PLAAT1: variants seen among roughly 807,000 people sequenced by gnomAD.
PLAAT1 encodes H-REV107 protein-related protein.
PLAAT1 carries 13 observed loss-of-function variants against 16.4 expected under a neutral mutation model. The observed-to-expected ratio is 0.79, with a 90% CI of 0.52 to 1.26. PLAAT1 has a LOEUF of 1.26. PLAAT1 is among the 50% of genes most tolerant of loss of function. PLAAT1 has a pLI of 0.00. For missense variants in PLAAT1, 218 were observed against 207.8 expected, an observed-to-expected ratio of 1.05 and a Z score of -0.30; for synonymous variants, 73 against 78.4, an observed-to-expected ratio of 0.93 and a Z score of 0.36.
chr3:193,258,033 T>A (rs1716441671), intron 2 of PLAAT1, among the ~76,000 whole-genome samples: 1 of 152,198 alleles, frequency 6.6e-6, no homozygotes, highest in African/African-American at 2.4e-5. Context: ...GCTTCCTTGC[T>A]GCTCCACTTG....
intron 3 of PLAAT1, among the ~76,000 whole-genome samples, chr3:193,264,688 A>G (rs901817328): frequency 1.9e-4 from 29 of 152,058 alleles, no homozygotes; most frequent in Admixed American, 6.6e-5. Context: ...TATTTTTAGT[A>G]GAGACTATGT....
At chr3:193,257,412 G>A (rs938317160) in intron 2 of PLAAT1, among the ~76,000 whole-genome samples, 1 of 152,154 alleles carries the variant, frequency 6.6e-6, no homozygotes, top group African/African-American at 2.4e-5. Context: ...TTGCAGGGAA[G>A]ATGGTCTTAA....
intron 2 of PLAAT1, among the ~76,000 whole-genome samples, chr3:193,256,784 T>G (rs1267629133): frequency 1.3e-5 from 2 of 152,220 alleles, no homozygotes; most frequent in Non-Finnish European, 2.9e-5. Flanking sequence ...TATTTAGAGA[T>G]GTAGACAAGC....
intron 2 of PLAAT1, among the ~76,000 whole-genome samples, chr3:193,276,109 C>G (rs1717188165): frequency 6.6e-6 from 1 of 152,040 alleles, no homozygotes; most frequent in South Asian, 2.1e-4. Flanking sequence ...AATGGAATCC[C>G]CTTTAAACAT....
downstream of PLAAT1, among the ~76,000 whole-genome samples, chr3:193,273,690 T>G (rs1007861319): frequency 1.3e-5 from 2 of 152,228 alleles, no homozygotes; most frequent in African/African-American, 4.8e-5. Context: ...AAATGTTCAC[T>G]AGAAATAAAT....
Position 193,241,470 on chromosome 3 carries a change from A to T in PLAAT1, c.-64A>T, listed in dbSNP as rs1715742508. 8.1e-7 allele frequency: 1 copy of T among 1,231,836 alleles called. No homozygotes were observed. Among genetic ancestry groups the T allele is most frequent in the Non-Finnish European group, 1.0e-6 (1 of 988,210 alleles). The allele number at this position is 1,231,836 out of a possible 1,614,324, so 76.3% of individuals were successfully genotyped here. ...CAAGGTCGGCAGCTGCGAGGCCAAG[A>T]GAGACCCCAGGACACACACAGCTGC... On this transcript the variant is annotated 5_prime_UTR_variant, in exon 1 of 4. Coordinates refer to ENST00000264735, the MANE Select transcript of PLAAT1 (RefSeq NM_020386.5).
downstream of PLAAT1, among the ~76,000 whole-genome samples, chr3:193,272,421 G>A (rs979781312): frequency 6.6e-6 from 1 of 152,000 alleles, no homozygotes; most frequent in African/African-American, 2.4e-5. Flanking sequence ...CAGCCTGGGC[G>A]ACGACAGAGC....
At chr3:193,278,497 G>A (rs964271264), downstream of PLAAT1, among the ~76,000 whole-genome samples, 1 of 152,134 alleles carries the variant, frequency 6.6e-6, no homozygotes, top group African/African-American at 2.4e-5. Flanking sequence ...GGTAAGCCTT[G>A]CTTTTGATTT....
At chr3:193,275,856 A>G (rs1717173384) in intron 2 of PLAAT1, among the ~76,000 whole-genome samples, 1 of 152,186 alleles carries the variant, frequency 6.6e-6, no homozygotes, top group Admixed American at 6.5e-5. Context: ...AACAATTTTT[A>G]TGTAGCTTTA....
chr3:193,258,533 C>G (rs967450696), intron 2 of PLAAT1, among the ~76,000 whole-genome samples: 2 of 151,812 alleles, frequency 1.3e-5, no homozygotes, highest in African/African-American at 2.4e-5. Context: ...GAAAAAAGAT[C>G]CAAAGAAGTA....
Position 193,255,748 on chromosome 3 carries a change from T to C in PLAAT1, c.98T>C (p.Leu33Pro). ...CGTCCTGGCTATCAGCACTGGGCCC[T>C]GTACTTGGGTGATGGTTACGTTATC... Reference protein sequence around the residue: ...VFRPGYQHWALYLGDGYVINI... With the variant: ...VFRPGYQHWAPYLGDGYVINI... Residue 33 changes from leucine (L) to proline (P), a missense_variant, in exon 2 of 4, where the codon CTG becomes CCG. By Grantham distance (98) the Leu-to-Pro change is moderately conservative. Transcript: ENST00000264735. The C allele has an allele frequency of 1.2e-6, 2 of 1,611,550 alleles. No homozygotes were observed. The highest frequency in any genetic ancestry group is 1.7e-6 in the Non-Finnish European group (2 of 1,178,520).
chr3:193,274,070 G>A (rs571257320), downstream of PLAAT1, among the ~76,000 whole-genome samples: 5 of 151,966 alleles, frequency 3.3e-5, no homozygotes, highest in Admixed American at 2.0e-4. Flanking sequence ...ATGGTGAAAC[G>A]CCATCTTTAC....
chr3:193,266,816 A>G (rs1257904302), intron 3 of PLAAT1, among the ~76,000 whole-genome samples: 1 of 151,328 alleles, frequency 6.6e-6, no homozygotes, highest in Non-Finnish European at 1.5e-5. Flanking sequence ...CAGCAACTGG[A>G]TTATATATTA....
At chr3:193,275,282 A>G, downstream of PLAAT1, 3 of 1,613,656 alleles carry the variant, frequency 1.9e-6, no homozygotes, top group South Asian at 1.1e-5. Context: ...GCCAGAGTTC[A>G]TGATTTTGAA....
chr3:193,263,322 AAG>A (rs1199280806), intron 3 of PLAAT1, 87 bp downstream of exon 3: 1 of 1,292,640 alleles, frequency 7.7e-7, no homozygotes, highest in African/African-American at 1.5e-5. Flanking sequence ...ACCAAATGAA[AAG>A]AACCAGAAAA....
chr3:193,273,376 A>C (rs955034670), downstream of PLAAT1, among the ~76,000 whole-genome samples: 5 of 152,242 alleles, frequency 3.3e-5, no homozygotes, highest in African/African-American at 1.2e-4. Context: ...ATACAAGAAA[A>C]GGTTAAAAAG....
In PLAAT1 at chr3:193,258,914, C is replaced by T. The variant is rs6805455; in HGVS notation, c.139+3125C>T. Reference sequence around the variant, plus strand: ...TTCCTAACTCATTCTATGAAACTAGCATCATCCTGATACCAAAATCGGAGA... The same window carrying T: ...TTCCTAACTCATTCTATGAAACTAGTATCATCCTGATACCAAAATCGGAGA... On this transcript the variant is annotated intron_variant, in intron 2 of 3. Transcript: ENST00000264735. Among the ~76,000 whole-genome samples, 1,298 of 152,198 alleles carry T rather than the reference C, an allele frequency of 8.5e-3. 21 individuals are homozygous for T. Among genetic ancestry groups the T allele is most frequent in the African/African-American group, 0.03 (1,247 of 41,530 alleles).
chr3:193,276,570 A>T (rs555217950), intron 2 of PLAAT1, among the ~76,000 whole-genome samples: 38 of 152,356 alleles, frequency 2.5e-4, no homozygotes, highest in African/African-American at 8.4e-4. Flanking sequence ...TGCAGACTTC[A>T]AATAATTTTA....
chr3:193,250,447 A>G (rs1008831105), intron 1 of PLAAT1, among the ~76,000 whole-genome samples: 2 of 152,186 alleles, frequency 1.3e-5, no homozygotes, highest in African/African-American at 4.8e-5. Context: ...GACTGCTCAC[A>G]TTGGACCTGG....
Sources: allele counts gnomAD v4.1 joint callset (sites outside exome capture counted in the v4.1 genomes callset), GRCh38; gene constraint gnomAD v4.1.1; transcripts MANE v1.5; gene names NCBI Gene and HGNC (gene_info 2026-07-23, HGNC 2026-07-21).